AGER: variants seen among roughly 807,000 people sequenced by gnomAD.
AGER encodes the protein advanced glycation end product-specific receptor.
In AGER, 46 loss-of-function variants were observed where a neutral mutation model predicts 48.8. The observed-to-expected ratio is 0.94, with a 90% CI of 0.74 to 1.20. The LOEUF (loss-of-function observed/expected upper bound fraction) is 1.20. AGER is among the 50% of genes most tolerant of loss of function. The probability of loss-of-function intolerance (pLI) is 0.00; values close to 1 mark genes in which losing one functional copy is unlikely to be tolerated. For synonymous variants in AGER, 170 were observed against 199.9 expected (o/e 0.85, Z 1.26); for missense variants, 489 against 515.0 (o/e 0.95, Z 0.49).
rs3131300 is a variant in AGER at position 32,184,157 on chromosome 6, A to G, written c.52+14T>C. 0.17 allele frequency: 277,390 copies of G among 1,609,916 alleles called. 25,894 individuals are homozygous for G. The highest frequency in any genetic ancestry group is 0.19 in the Non-Finnish European group (225,073 of 1,178,270). ...TCTGCAGGGAGGGTCAGTGGGGTTG[A>G]GGGAGTGGCTCACCCCACAGACTGA... On this transcript the variant is annotated intron_variant, in intron 1 of 10. Coordinates refer to ENST00000375076, the MANE Select transcript of AGER (RefSeq NM_001136.5).
chr6:32,184,245 G>A lies in AGER; in HGVS notation c.-23C>T. 1 of 1,608,048 alleles carries A rather than the reference G, an allele frequency of 6.2e-7. No homozygotes were observed. ...CATCCTGCTTCCTTCCAGGGTCCTG[G>A]CTCTGTCTGCCCCTCTCCCTGCTGT... is the stretch of plus-strand genomic sequence containing the variant. On this transcript the variant is annotated 5_prime_UTR_variant, in exon 1 of 11. Coordinates refer to ENST00000375076, the MANE Select transcript of AGER (RefSeq NM_001136.5).
rs1786605950 is a variant in AGER, at chr6:32,183,342, C to T, written c.402G>A (p.Thr134=). ...PEIVDSASEL[T]AGVPNKVGTC... ...CCACTACCTTATTGGGAACACCAGC[C>T]GTGAGTTCAGAGGCAGAATCTACAA... Residue 134 remains threonine, a synonymous_variant, in exon 4 of 11, where the codon ACG becomes ACA. Transcript: ENST00000375076. 6 of 1,613,010 alleles carry T rather than the reference C, an allele frequency of 3.7e-6. No homozygotes were observed. Among genetic ancestry groups the T allele is most frequent in the Admixed American group, 1.7e-5 (1 of 60,010 alleles).
chr6:32,181,364 G>A lies in AGER; in HGVS notation c.1105C>T (p.Arg369Ter), dbSNP rs149968577. ...GVILWQRRQR[R>*]GEERKAPENQ... Reference sequence around the variant, plus strand: ...TTCTCCACTCACCTCTCCTCTCCTCGGCGTTGCCGCCTTTGCCACAAGATG... The same window carrying A: ...TTCTCCACTCACCTCTCCTCTCCTCAGCGTTGCCGCCTTTGCCACAAGATG... The change falls in exon 10 of 11, where the codon CGA becomes TGA. Residue 369 changes from arginine to a stop codon, truncating the protein, a stop_gained. Transcript: ENST00000375076. LOFTEE classifies it high-confidence loss of function. This position sits in a 1 kb window ranked among gnomAD's most constrained non-coding sequence, Gnocchi z 4.1. 3 of 1,612,576 alleles carry A rather than the reference G, an allele frequency of 1.9e-6. No homozygotes were observed. The highest frequency in any genetic ancestry group is 1.3e-5 in the African/African-American group (1 of 74,920).
At chr6:32,183,533 G>A (rs770969805) in intron 3 of AGER, 22 bp downstream of exon 3, 5 of 1,613,078 alleles carry the variant, frequency 3.1e-6, no homozygotes, top group Non-Finnish European at 4.2e-6. Context: ...GGAGGCCTTG[G>A]AGAAGACCCT....
In AGER at chr6:32,183,978, A is replaced by G. The variant is rs1320964562; in HGVS notation, c.62T>C (p.Val21Ala). ...VLVLSLWGAV[V>A]GAQNITARIG... ...CCGGGCTGTGATGTTTTGAGCACCT[A>G]CTACTGCCCCTGGGAGATAGCACCA... is the stretch of plus-strand genomic sequence containing the variant. The change falls in exon 2 of 11, where the codon GTA becomes GCA. Residue 21 changes from valine to alanine, a missense_variant. Val to Ala is a moderately conservative substitution (Grantham distance 64). Coordinates refer to ENST00000375076, the MANE Select transcript of AGER (RefSeq NM_001136.5). 1 of 1,612,998 alleles carries G rather than the reference A, an allele frequency of 6.2e-7. No individual in the cohort carries two copies. The highest frequency in any genetic ancestry group is 8.5e-7 in the Non-Finnish European group (1 of 1,180,012).
chr6:32,183,995 A>G lies in AGER; in HGVS notation c.53-8T>C. 6.2e-7 allele frequency: 1 copy of G among 1,612,930 alleles called. No homozygotes were observed. Among genetic ancestry groups the G allele is most frequent in the Non-Finnish European group, 8.5e-7 (1 of 1,179,990 alleles). Reference sequence around the variant, plus strand: ...GAGCACCTACTACTGCCCCTGGGAGATAGCACCATGGTAGAGGGGTAGGAA... The same window carrying G: ...GAGCACCTACTACTGCCCCTGGGAGGTAGCACCATGGTAGAGGGGTAGGAA... On this transcript the variant is annotated splice_polypyrimidine_tract_variant and splice_region_variant and intron_variant, in intron 1 of 10. Coordinates refer to ENST00000375076, the MANE Select transcript of AGER (RefSeq NM_001136.5).
chr6:32,184,089 G>A, intron 1 of AGER, 82 bp downstream of exon 1: 1 of 1,606,612 alleles, frequency 6.2e-7, no homozygotes, highest in Non-Finnish European at 8.5e-7. Context: ...CTCGGGTTCT[G>A]GGAAAAGTTC....
chr6:32,180,992 AT>A lies in AGER; in HGVS notation c.*150del. 1 of 777,616 alleles carries A rather than the reference AT, an allele frequency of 1.3e-6. No individual in the cohort carries two copies. Among genetic ancestry groups the A allele is most frequent in the Non-Finnish European group, 2.1e-6 (1 of 465,748 alleles). 48.2% of individuals were successfully genotyped at this position (777,616 alleles called of 1,614,324 possible). On this transcript the variant is annotated 3_prime_UTR_variant, in exon 11 of 11. Coordinates refer to ENST00000375076, the MANE Select transcript of AGER (RefSeq NM_001136.5). Reference sequence around the variant, plus strand: ...AGCAAGATGTGTCAGGTGTTTAATCATCATTGTGGGGGGCTCTGGTTGTAGA... The same window carrying A: ...AGCAAGATGTGTCAGGTGTTTAATCACATTGTGGGGGGCTCTGGTTGTAGA...
rs1466029035 is a variant in AGER, at chr6:32,182,283, GC to G, written c.927del (p.Gln311ArgfsTer31). ...ATGCTGACAGCACGGCTTTCCTGGG[GC>G]CCGTGGCTGGAATGGGTGGCCACAC... is the stretch of plus-strand genomic sequence containing the variant. ...YSCVATHSSH[G>X]PQESRAVSIS... On this transcript the variant is annotated frameshift_variant, in exon 8 of 11. Coordinates refer to ENST00000375076, the MANE Select transcript of AGER (RefSeq NM_001136.5). LOFTEE classifies it high-confidence loss of function. The surrounding 1 kb of genome is among the most constrained non-coding windows in gnomAD (Gnocchi z 5.1). 1.9e-6 allele frequency: 3 copies of G among 1,612,774 alleles called. No homozygotes were observed. The highest frequency in any genetic ancestry group is 2.5e-6 in the Non-Finnish European group (3 of 1,180,030).
In AGER at chr6:32,181,935, G is replaced by T. The variant is rs555712968; in HGVS notation, c.965-303C>A. 1.7e-5 allele frequency: 10 copies of T among 599,140 alleles called. No individual in the cohort carries two copies. In the South Asian group the frequency reaches 2.0e-4, roughly 12 times the overall value. 37.1% of individuals were successfully genotyped at this position (599,140 alleles called of 1,614,324 possible). A position where few individuals can be genotyped will look rare whatever the true frequency, so the allele number is the denominator to read the frequency against. ...TTTAGTAGAAATGGGGTTTCTCCATGTTGGTCAGGCTGGTCTCGAACTCCC... is the reference window on the plus strand; with the variant it reads ...TTTAGTAGAAATGGGGTTTCTCCATTTTGGTCAGGCTGGTCTCGAACTCCC... On this transcript the variant is annotated intron_variant, in intron 8 of 10. Coordinates refer to ENST00000375076, the MANE Select transcript of AGER (RefSeq NM_001136.5). The surrounding 1 kb of genome is among the most constrained non-coding windows in gnomAD (Gnocchi z 4.1).
In AGER at chr6:32,182,533, C is replaced by A. The variant is rs1303443240; in HGVS notation, c.822+35G>T. The A allele has an allele frequency of 6.2e-7, 1 of 1,608,262 alleles. No homozygotes were observed. Among genetic ancestry groups the A allele is most frequent in the Admixed American group, 1.7e-5 (1 of 59,770 alleles). ...CCTCCCTGTTGCTAGTTATGGTTCA[C>A]CCTACCTCCCAGCCCCTCTCTCCAG... On this transcript the variant is annotated intron_variant, in intron 7 of 10. Coordinates refer to ENST00000375076, the MANE Select transcript of AGER (RefSeq NM_001136.5). The surrounding 1 kb of genome is among the most constrained non-coding windows in gnomAD (Gnocchi z 5.1).
At position 32,181,301 on chromosome 6, in the gene AGER, C is replaced by T; in HGVS notation, c.1118+50G>A. 1 of 1,613,772 alleles carries T rather than the reference C, an allele frequency of 6.2e-7. No individual in the cohort carries two copies. The highest frequency in any genetic ancestry group is 8.5e-7 in the Non-Finnish European group (1 of 1,180,006). On this transcript the variant is annotated intron_variant, in intron 10 of 10. Transcript: ENST00000375076. The surrounding 1 kb of genome is among the most constrained non-coding windows in gnomAD (Gnocchi z 4.1). ...CGTTCCACCCCCCGACCCCTCTTCG[C>T]TTGCTGCCTGGAAGCCCTAGGTCTG...
chr6:32,183,941 T>C lies in AGER; in HGVS notation c.99A>G (p.Pro33=). The change falls in exon 2 of 11, where the codon CCA becomes CCG. Residue 33 remains proline, a synonymous_variant. Transcript: ENST00000375076. ...GGGCCCCCTTACACTTCAGCACCAG[T>C]GGCTCGCCAATCCGGGCTGTGATGT... is the stretch of plus-strand genomic sequence containing the variant. The part of the protein sequence containing the change: ...AQNITARIGE[P]LVLKCKGAPK... The C allele has an allele frequency of 6.2e-7, 1 of 1,613,008 alleles. No individual in the cohort carries two copies. Among genetic ancestry groups the C allele is most frequent in the Non-Finnish European group, 8.5e-7 (1 of 1,180,006 alleles).
rs367972091 is a variant in AGER at position 32,181,320 on chromosome 6, A to T, written c.1118+31T>A. 5.0e-6 allele frequency: 8 copies of T among 1,613,396 alleles called. No homozygotes were observed. The African/African-American group carries it at 8.0e-5, about 16-fold the overall frequency. ...TCTTCGCTTGCTGCCTGGAAGCCCT[A>T]GGTCTGAGGGGTCTGGCTTTCTCCA... On this transcript the variant is annotated intron_variant, in intron 10 of 10. Coordinates refer to ENST00000375076, the MANE Select transcript of AGER (RefSeq NM_001136.5). This position sits in a 1 kb window ranked among gnomAD's most constrained non-coding sequence, Gnocchi z 4.1.
At position 32,182,343 on chromosome 6, in the gene AGER, C is replaced by G. The variant is rs201866140; in HGVS notation, c.868G>C (p.Glu290Gln). The G allele has an allele frequency of 7.4e-6, 12 of 1,611,966 alleles. No individual in the cohort carries two copies. Among genetic ancestry groups the G allele is most frequent in the Non-Finnish European group, 1.0e-5 (12 of 1,179,482 alleles). Residue 290 changes from glutamate to glutamine, a missense_variant, in exon 8 of 11, where the codon GAG becomes CAG. Transcript: ENST00000375076. This position sits in a 1 kb window ranked among gnomAD's most constrained non-coding sequence, Gnocchi z 5.1. ...LPPSPVLILP[E>Q]IGPQDQGTYS... ...GTTCCCTGGTCCTGAGGCCCTATCTCAGGGAGGATCAGCACAGGGCTGGGG... is the reference window on the plus strand; with the variant it reads ...GTTCCCTGGTCCTGAGGCCCTATCTGAGGGAGGATCAGCACAGGGCTGGGG...
intron 3 of AGER, 73 bp downstream of exon 3, chr6:32,183,482 T>C (rs768238843): frequency 1.1e-5 from 17 of 1,607,368 alleles, no homozygotes; most frequent in Admixed American, 1.7e-5. Context: ...GAGGCCCTCA[T>C]GGGCCAAGGC....
rs1786301694 is a variant in AGER, at chr6:32,181,989, T to G, written c.964+258A>C. On this transcript the variant is annotated intron_variant, in intron 8 of 10. Transcript: ENST00000375076. This position sits in a 1 kb window ranked among gnomAD's most constrained non-coding sequence, Gnocchi z 4.1. Reference sequence around the variant, plus strand: ...CTCAGGTGATCTGCCCGCCTCAGCCTCCCAAAGTGTTGGGATTACAGGCGT... The same window carrying G: ...CTCAGGTGATCTGCCCGCCTCAGCCGCCCAAAGTGTTGGGATTACAGGCGT... 3.0e-6 allele frequency: 2 copies of G among 664,716 alleles called. No individual in the cohort carries two copies. The highest frequency in any genetic ancestry group is 5.4e-6 in the Non-Finnish European group (2 of 372,902). 41.2% of individuals were successfully genotyped at this position (664,716 alleles called of 1,614,324 possible).
At position 32,181,490 on chromosome 6, in the gene AGER, A is replaced by G. The variant is rs766453544; in HGVS notation, c.992-13T>C. 5.6e-6 allele frequency: 9 copies of G among 1,613,058 alleles called. No homozygotes were observed. The Admixed American group carries it at 1.3e-4, about 24-fold the overall frequency. Reference sequence around the variant, plus strand: ...CCTCCCACAGAGCCTGTACGGAGACAGGGAAAATTGAGAGCACAGCCACCA... The same window carrying G: ...CCTCCCACAGAGCCTGTACGGAGACGGGGAAAATTGAGAGCACAGCCACCA... On this transcript the variant is annotated splice_polypyrimidine_tract_variant and intron_variant, in intron 9 of 10. Transcript: ENST00000375076. This position sits in a 1 kb window ranked among gnomAD's most constrained non-coding sequence, Gnocchi z 4.1.
rs3134941 is a variant in AGER at position 32,181,760 on chromosome 6, C to G, written c.965-128G>C. On this transcript the variant is annotated intron_variant, in intron 8 of 10. Coordinates refer to ENST00000375076, the MANE Select transcript of AGER (RefSeq NM_001136.5). The surrounding 1 kb of genome is among the most constrained non-coding windows in gnomAD (Gnocchi z 4.1). ...GAGATGGAGTTTCACTTTTGTTGCC[C>G]AGGCTGGCATGCAATGGTGCGATCT... The G allele has an allele frequency of 0.16, 158,284 of 1,012,650 alleles. 14,521 individuals carry two copies. Among genetic ancestry groups the G allele is most frequent in the Non-Finnish European group, 0.18 (124,674 of 689,282 alleles). 62.7% of individuals were successfully genotyped at this position (1,012,650 alleles called of 1,614,324 possible).
Sources: allele counts gnomAD v4.1 joint callset, GRCh38; gene constraint gnomAD v4.1.1; non-coding constraint Gnocchi (gnomAD v3.1); transcripts MANE v1.5; gene names NCBI Gene and HGNC (gene_info 2026-07-23, HGNC 2026-07-21).